Variants in TRAPPC9 observed in about 807,000 individuals in gnomAD.
The protein encoded by TRAPPC9 is IKK2 binding protein.
A neutral mutation model predicts 124.0 loss-of-function variants in TRAPPC9; 83 were observed. That is an observed-to-expected ratio of 0.67 (90% CI 0.56 to 0.80). TRAPPC9 has a LOEUF of 0.80. TRAPPC9 is among the 30% of genes least tolerant of loss of function. TRAPPC9 has a pLI of 0.00. For synonymous variants in TRAPPC9, 638 were observed against 617.5 expected, an observed-to-expected ratio of 1.03 and a Z score of -0.49; for missense variants, 1,302 against 1,508.3, an observed-to-expected ratio of 0.86 and a Z score of 2.27.
At chr8:140,035,703 G>T (rs1188143613) in intron 17 of TRAPPC9, among the ~76,000 whole-genome samples, 1 of 152,176 alleles carries the variant, frequency 6.6e-6, no homozygotes, top group East Asian at 1.9e-4. Context: ...GACCCCAAAA[G>T]CCACAATCGC....
chr8:139,737,908 G>C (rs1280414883), intron 21 of TRAPPC9, among the ~76,000 whole-genome samples: 1 of 152,176 alleles, frequency 6.6e-6, no homozygotes, highest in Non-Finnish European at 1.5e-5. Flanking sequence ...AACTAGGACG[G>C]GGATGCTTTG....
rs748569823 is a variant in TRAPPC9 at position 139,910,270 on chromosome 8, A to G, written c.2841T>C (p.Phe947=). The G allele has an allele frequency of 1.2e-5, 19 of 1,614,184 alleles. No individual in the cohort carries two copies. The highest frequency in any genetic ancestry group is 1.6e-5 in the Non-Finnish European group (19 of 1,180,030). Residue 947 remains phenylalanine (F), a synonymous_variant, in exon 20 of 23, where the codon TTT becomes TTC. Coordinates refer to ENST00000438773, the MANE Select transcript of TRAPPC9 (RefSeq NM_001160372.4). ...RMAIQVDKFN[F]ESFPESPGEK... is the part of the protein sequence containing the mutation. The stretch of plus-strand genomic sequence containing the variant: ...CCCCAGGGGACTCCGGGAAACTCTC[A>G]AAGTTGAACTTGTCCACTTGAATAG...
intron 21 of TRAPPC9, among the ~76,000 whole-genome samples, chr8:139,751,467 C>CT (rs1239785078): frequency 1.3e-5 from 2 of 152,172 alleles, no homozygotes; most frequent in African/African-American, 4.8e-5. Flanking sequence ...TGCCCTCTTG[C>CT]TTCCAATACT....
intron 17 of TRAPPC9, among the ~76,000 whole-genome samples, chr8:140,198,449 T>A (rs1283588638): frequency 6.6e-6 from 1 of 151,982 alleles, no homozygotes; most frequent in African/African-American, 2.4e-5. Context: ...CCCAGATCGA[T>A]AAACTGGCTT....
intron 19 of TRAPPC9, among the ~76,000 whole-genome samples, chr8:139,963,080 C>T (rs563390852): frequency 5.8e-4 from 88 of 152,298 alleles, no homozygotes; most frequent in Middle Eastern, 3.4e-3. Context: ...ATACCACTAA[C>T]GAGAGACGGA....
rs1287634827 is a variant in TRAPPC9, at chr8:140,353,860, T to TG, written c.1495+6189dup. 1.3e-5 allele frequency among the ~76,000 whole-genome samples: 2 copies of TG among 152,216 alleles called. No homozygotes were observed. The highest frequency in any genetic ancestry group is 2.9e-5 in the Non-Finnish European group (2 of 68,034). The stretch of plus-strand genomic sequence containing the variant: ...TGCTGCTCCAGATATGCGTGACAGT[T>TG]GGTGTCTTTGAGGAGCTTAGAGGCT... On this transcript the variant is annotated intron_variant, in intron 9 of 22. Transcript: ENST00000438773. The surrounding 1 kb of genome is among the most constrained non-coding windows in gnomAD (Gnocchi z 4.2).
chr8:139,914,277 G>T (rs1007184530), intron 19 of TRAPPC9, among the ~76,000 whole-genome samples: 1 of 152,262 alleles, frequency 6.6e-6, no homozygotes, highest in Non-Finnish European at 1.5e-5. Context: ...GGGTGGTGGC[G>T]CTTGGCTGAG....
intron 17 of TRAPPC9, among the ~76,000 whole-genome samples, chr8:140,185,329 C>T (rs2062327527): frequency 6.6e-6 from 1 of 152,202 alleles, no homozygotes; most frequent in South Asian, 2.1e-4. Flanking sequence ...GACAGGCCCA[C>T]TTGCACAGAG....
chr8:140,298,794 T>C (rs2065884682), intron 11 of TRAPPC9, among the ~76,000 whole-genome samples: 1 of 152,194 alleles, frequency 6.6e-6, no homozygotes, highest in African/African-American at 2.4e-5. Context: ...CACTTAAACG[T>C]CGTGAATCAG....
chr8:140,208,892 T>C (rs1219967488), intron 17 of TRAPPC9, among the ~76,000 whole-genome samples: 8 of 152,182 alleles, frequency 5.3e-5, no homozygotes. Flanking sequence ...AACCCACATA[T>C]TTGCAGGGCC....
chr8:140,302,799 G>GGCTGCTT (rs138752498), intron 10 of TRAPPC9: 2 of 152,348 alleles, frequency 1.3e-5, no homozygotes, highest in East Asian at 3.9e-4. Context: ...ACGGCGTGGA[G>GGCTGCTT]GCTGCTTGCT....
intron 15 of TRAPPC9, among the ~76,000 whole-genome samples, chr8:140,272,192 G>T (rs1268761455): frequency 7.0e-6 from 1 of 143,190 alleles, no homozygotes; most frequent in South Asian, 2.3e-4. Context: ...GGTTATGGTG[G>T]TGATGGTGGC....
chr8:140,278,084 C>T (rs922111709), intron 14 of TRAPPC9, among the ~76,000 whole-genome samples: 1 of 151,012 alleles, frequency 6.6e-6, no homozygotes, highest in East Asian at 1.9e-4. Context: ...TGCACTGGAC[C>T]AAAAGTTTTT....
Position 139,729,097 on chromosome 8 carries a change from T to C in TRAPPC9, c.*1964A>G, listed in dbSNP as rs1020726160. 6.6e-6 allele frequency among the ~76,000 whole-genome samples: 1 copy of C among 152,190 alleles called. No homozygotes were observed. Among genetic ancestry groups the C allele is most frequent in the Non-Finnish European group, 1.5e-5 (1 of 68,034 alleles). ...TTTGAAAGGAAAGTACGTACTCAAG[T>C]CCCCGGTGACCAGCACCCTCATGCT... On this transcript the variant is annotated 3_prime_UTR_variant, in exon 23 of 23. Transcript: ENST00000438773.
chr8:140,433,270 C>A (rs908257117), intron 4 of TRAPPC9, among the ~76,000 whole-genome samples: 39 of 151,392 alleles, frequency 2.6e-4, no homozygotes, highest in Non-Finnish European at 1.6e-4. Flanking sequence ...TCAGCCTGGG[C>A]AACAGAGCAA....
intron 17 of TRAPPC9, among the ~76,000 whole-genome samples, chr8:140,149,028 A>G (rs2061501623): frequency 6.6e-6 from 1 of 152,238 alleles, no homozygotes. Context: ...AACAAAAAAG[A>G]GCACAAGGCT....
At chr8:139,945,228 T>C (rs12114206) in intron 19 of TRAPPC9, among the ~76,000 whole-genome samples, 2,879 of 152,274 alleles carry the variant, frequency 0.019, 107 homozygotes, top group African/African-American at 0.066. Flanking sequence ...TGAAAACTTA[T>C]GCAGGTTTGG....
intron 18 of TRAPPC9, among the ~76,000 whole-genome samples, chr8:140,022,605 C>G (rs1011426889): frequency 6.6e-6 from 1 of 152,154 alleles, no homozygotes; most frequent in Non-Finnish European, 1.5e-5. Context: ...TGGGCAACGG[C>G]AGCAGGAGAT....
chr8:139,893,375 C>G (rs532127725), intron 20 of TRAPPC9, among the ~76,000 whole-genome samples: 1 of 152,328 alleles, frequency 6.6e-6, no homozygotes, highest in African/African-American at 2.4e-5. Flanking sequence ...TCAGACCCAA[C>G]ACAACCATGC....
Sources: gnomAD v4.1 joint callset for allele counts (sites outside exome capture counted in the v4.1 genomes callset) on GRCh38, gnomAD v4.1.1 for gene constraint, Gnocchi (gnomAD v3.1) non-coding constraint, MANE v1.5 for transcripts, NCBI Gene and HGNC (gene_info 2026-07-23, HGNC 2026-07-21) for gene names.